The following ATG10 variants were observed in gnomAD, a reference collection of about 807,000 sequenced individuals.
ATG10 encodes autophagy related 10.
A neutral mutation model predicts 32.1 loss-of-function variants in ATG10; 30 were observed. That is an observed-to-expected ratio of 0.94 (90% confidence interval 0.70 to 1.27). The LOEUF (loss-of-function observed/expected upper bound fraction) is 1.27, where lower values mean the gene tolerates loss of function less well. Among genes scored for constraint, ATG10 ranks in the 50% most tolerant of loss-of-function variants. The pLI, the probability that ATG10 is intolerant of heterozygous loss-of-function variation, is 0.00. For synonymous variants in ATG10, 87 were observed against 91.5 expected (o/e 0.95, Z 0.28); for missense variants, 233 against 262.3 (o/e 0.89, Z 0.77).
chr5:82,153,063 C>T (rs969190307), intron 3 of ATG10, among the ~76,000 whole-genome samples: 9 of 152,192 alleles, frequency 5.9e-5, no homozygotes, highest in Non-Finnish European at 1.2e-4. Context: ...GTAATAGAAG[C>T]CTTTCCAAGT....
chr5:82,111,398 G>A (rs1765617811), intron 3 of ATG10: 1 of 151,914 alleles, frequency 6.6e-6, no homozygotes, highest in African/African-American at 2.4e-5. Context: ...CAGACATCTT[G>A]CTTATGCAGA....
At chr5:82,015,676 A>G (rs1459421735) in intron 2 of ATG10, among the ~76,000 whole-genome samples, 1 of 152,152 alleles carries the variant, frequency 6.6e-6, no homozygotes, top group East Asian at 1.9e-4. Flanking sequence ...TTTCAGCTCC[A>G]TTAGGCCATT....
intron 5 of ATG10, among the ~76,000 whole-genome samples, chr5:82,240,406 A>G (rs369272829): frequency 6.6e-6 from 1 of 152,236 alleles, no homozygotes; most frequent in East Asian, 1.9e-4. Flanking sequence ...AACTGAAATA[A>G]GCCAAGCACA....
intron 3 of ATG10, among the ~76,000 whole-genome samples, chr5:82,124,047 T>C (rs184179158): frequency 2.6e-5 from 4 of 151,984 alleles, no homozygotes; most frequent in African/African-American, 9.6e-5. Context: ...TATCTACTTT[T>C]TGTTTTTTTC....
intron 1 of ATG10, among the ~76,000 whole-genome samples, chr5:81,979,498 A>G (rs890551034): frequency 6.6e-6 from 1 of 152,136 alleles, no homozygotes; most frequent in Non-Finnish European, 1.5e-5. Flanking sequence ...GCTGCACTCC[A>G]GCCTGGGCAA....
At chr5:82,138,991 C>A (rs374776324) in intron 3 of ATG10, among the ~76,000 whole-genome samples, 1 of 150,384 alleles carries the variant, frequency 6.6e-6, no homozygotes, top group Non-Finnish European at 1.5e-5. Flanking sequence ...TGCCTGCGAT[C>A]GCAGGCACGC....
chr5:82,057,882 A>G (rs1409868999), intron 2 of ATG10, among the ~76,000 whole-genome samples: 1 of 152,142 alleles, frequency 6.6e-6, no homozygotes, highest in Non-Finnish European at 1.5e-5. Flanking sequence ...TGGAAAAGGG[A>G]TTAGACTTCA....
At chr5:82,178,663 C>T in intron 5 of ATG10, 76 bp downstream of exon 5, 1 of 927,938 alleles carries the variant, frequency 1.1e-6, no homozygotes, top group South Asian at 1.4e-5. Context: ...TGCTAGTTCC[C>T]TCTCCAACTC....
intron 2 of ATG10, among the ~76,000 whole-genome samples, chr5:81,995,363 G>A (rs558543445): frequency 6.6e-6 from 1 of 152,110 alleles, no homozygotes; most frequent in East Asian, 1.9e-4. Context: ...GGCTGGTCTC[G>A]AACTCCTGAC....
At chr5:82,050,148 A>G (rs1230192795) in intron 2 of ATG10, among the ~76,000 whole-genome samples, 1 of 152,102 alleles carries the variant, frequency 6.6e-6, no homozygotes, top group Non-Finnish European at 1.5e-5. Flanking sequence ...CATATCAGTG[A>G]CATCTTTCTT....
At chr5:82,174,810 A>G (rs563271877) in intron 4 of ATG10, among the ~76,000 whole-genome samples, 13 of 152,334 alleles carry the variant, frequency 8.5e-5, no homozygotes, top group Admixed American at 5.9e-4. Context: ...CAGGCCTAGC[A>G]TGCCACCAGC....
intron 7 of ATG10, 68 bp downstream of exon 7, chr5:82,253,497 C>A: frequency 9.2e-7 from 1 of 1,087,670 alleles, no homozygotes; most frequent in Non-Finnish European, 1.4e-6. Flanking sequence ...CATTTAGACT[C>A]ATCCCACCAA....
intron 1 of ATG10, among the ~76,000 whole-genome samples, chr5:81,979,709 C>G (rs1760980208): frequency 7.0e-6 from 1 of 143,724 alleles, no homozygotes; most frequent in Non-Finnish European, 1.5e-5. Flanking sequence ...TTTTTTTTGC[C>G]TGCATCTTTT....
chr5:82,128,756 G>C (rs1469998499), intron 3 of ATG10, among the ~76,000 whole-genome samples: 4 of 147,004 alleles, frequency 2.7e-5, no homozygotes, highest in Non-Finnish European at 6.0e-5. Context: ...TCCCTTTGTG[G>C]GTAACCCGAC....
chr5:82,038,855 A>G (rs1763007813), intron 2 of ATG10, among the ~76,000 whole-genome samples: 1 of 152,140 alleles, frequency 6.6e-6, no homozygotes, highest in South Asian at 2.1e-4. Flanking sequence ...ATATTGTTTA[A>G]TTAATTAATT....
chr5:82,136,298 T>C (rs2149849662), intron 3 of ATG10, among the ~76,000 whole-genome samples: 1 of 152,308 alleles, frequency 6.6e-6, no homozygotes. Flanking sequence ...TGCTGGTTAG[T>C]TCATGCAGTT....
chr5:82,201,178 C>T (rs1321042865), intron 5 of ATG10, among the ~76,000 whole-genome samples: 2 of 152,208 alleles, frequency 1.3e-5, no homozygotes, highest in South Asian at 4.1e-4. Context: ...AGCCACCTTG[C>T]CCGGCCTAAA....
At chr5:82,119,621 C>T (rs751838271) in intron 3 of ATG10, among the ~76,000 whole-genome samples, 2 of 152,028 alleles carry the variant, frequency 1.3e-5, no homozygotes, top group Non-Finnish European at 2.9e-5. Flanking sequence ...CCACCATGCC[C>T]AGCTAATTTT....
At position 82,178,513 on chromosome 5, in the gene ATG10, G is replaced by C; in HGVS notation, c.379G>C (p.Asp127His). Residue 127 changes from aspartate to histidine, a missense_variant, in exon 5 of 8, where the codon GAC (aspartate) becomes CAC (histidine). Coordinates refer to ENST00000282185, the MANE Select transcript of ATG10 (RefSeq NM_031482.5). ...FLDGRPLTLK[D>H]IWEGVHECYK... ...AGATGGGAGACCTTTAACTCTGAAGGACATATGGGAAGGAGTTCATGAGTG... is the reference window on the plus strand; with the variant it reads ...AGATGGGAGACCTTTAACTCTGAAGCACATATGGGAAGGAGTTCATGAGTG... 4 of 1,611,392 alleles carry C rather than the reference G, an allele frequency of 2.5e-6. No homozygotes were observed. Among genetic ancestry groups the C allele is most frequent in the Non-Finnish European group, 2.5e-6 (3 of 1,177,882 alleles).
Sources: allele counts gnomAD v4.1 joint callset (sites outside exome capture counted in the v4.1 genomes callset), GRCh38; gene constraint gnomAD v4.1.1; transcripts MANE v1.5; gene names NCBI Gene and HGNC (gene_info 2026-07-23, HGNC 2026-07-21).